ZFAT: variants seen among roughly 807,000 people sequenced by gnomAD.
ZFAT encodes the protein zinc finger protein ZFAT.
ZFAT carries 64 observed loss-of-function variants against 117.7 expected under a neutral mutation model. That is an observed-to-expected ratio of 0.54 (90% CI 0.44 to 0.67). The LOEUF (loss-of-function observed/expected upper bound fraction) is 0.67, where lower values mean the gene tolerates loss of function less well. Ranked by LOEUF, ZFAT falls within the 30% of genes least tolerant of loss-of-function variation. The probability of loss-of-function intolerance (pLI) is 0.00; values close to 1 mark genes in which losing one functional copy is unlikely to be tolerated. For missense variants in ZFAT, 1,433 were observed against 1,584.5 expected (o/e 0.90, Z 1.62); for synonymous variants, 679 against 615.0 (o/e 1.10, Z -1.54).
At chr8:134,564,220 A>G (rs947500847) in intron 11 of ZFAT, among the ~76,000 whole-genome samples, 2 of 148,402 alleles carry the variant, frequency 1.3e-5, no homozygotes, top group African/African-American at 5.0e-5. Context: ...AAAAAAGAGT[A>G]TCTAGATTGT....
At chr8:134,808,424 T>A in the ZFAT span, among the ~76,000 whole-genome samples, 8 of 152,206 alleles carry the variant, frequency 5.3e-5, no homozygotes, top group African/African-American at 1.7e-4. Context: ...AAATGAGGCT[T>A]AGGCAAAACA....
chr8:134,809,739 G>C, the ZFAT span, among the ~76,000 whole-genome samples: 1 of 152,190 alleles, frequency 6.6e-6, no homozygotes, highest in South Asian at 2.1e-4. Flanking sequence ...CAAACCTAGA[G>C]GGGAGGTGAA....
At chr8:134,490,448 G>GA (rs1022231209) in intron 15 of ZFAT, among the ~76,000 whole-genome samples, 5 of 152,150 alleles carry the variant, frequency 3.3e-5, no homozygotes, top group African/African-American at 9.6e-5. Flanking sequence ...ACCAGTTCTA[G>GA]AAAAAAATGG....
intron 1 of ZFAT, among the ~76,000 whole-genome samples, chr8:134,683,076 T>A (rs1233389036): frequency 6.6e-6 from 1 of 152,246 alleles, no homozygotes; most frequent in Non-Finnish European, 1.5e-5. Context: ...TTTGTTGGAA[T>A]AATACGCTTT....
chr8:134,728,587 A>G, the ZFAT span, among the ~76,000 whole-genome samples: 4 of 152,190 alleles, frequency 2.6e-5, no homozygotes, highest in Non-Finnish European at 5.9e-5. Context: ...GGGCTCCTGC[A>G]TCCATCCACA....
chr8:134,482,998 C>T (rs1214544154), intron 15 of ZFAT, among the ~76,000 whole-genome samples: 1 of 152,232 alleles, frequency 6.6e-6, no homozygotes, highest in Non-Finnish European at 1.5e-5. Flanking sequence ...TCACAAAAAG[C>T]TAACGTGTAG....
chr8:134,672,558 A>C (rs1832611952), intron 1 of ZFAT, among the ~76,000 whole-genome samples: 1 of 152,182 alleles, frequency 6.6e-6, no homozygotes, highest in African/African-American at 2.4e-5. Flanking sequence ...AAGTATAATA[A>C]TAAAAAAAAA....
intron 11 of ZFAT, among the ~76,000 whole-genome samples, chr8:134,546,362 G>A (rs1822693001): frequency 1.3e-5 from 2 of 152,200 alleles, no homozygotes; most frequent in African/African-American, 2.4e-5. Context: ...TTCTGCAGCT[G>A]AGGAAATGCG....
chr8:134,488,220 G>A (rs1041909911), intron 15 of ZFAT, among the ~76,000 whole-genome samples: 5 of 152,218 alleles, frequency 3.3e-5, no homozygotes, highest in African/African-American at 9.7e-5. Context: ...CTGGGCATTC[G>A]GCGGCCCTTT....
chr8:134,590,327 C>G lies in ZFAT; in HGVS notation c.2504G>C (p.Cys835Ser). Residue 835 changes from cysteine to serine, a missense_variant, in exon 8 of 16, where the codon TGT (cysteine) becomes TCT (serine). Cys to Ser is a moderately radical substitution (Grantham distance 112). Transcript: ENST00000377838. ...TCGATCCTCTGAAAAAGACTTTTCACAAACAGGACAAGAATAACTCCTTTT... is the reference window on the plus strand; with the variant it reads ...TCGATCCTCTGAAAAAGACTTTTCAGAAACAGGACAAGAATAACTCCTTTT... ...LDKRSYSCPV[C>S]EKSFSEDRLI... is the part of the protein sequence containing the mutation. 6.2e-7 allele frequency: 1 copy of G among 1,613,188 alleles called. No individual in the cohort carries two copies. The highest frequency in any genetic ancestry group is 1.1e-5 in the South Asian group (1 of 91,060).
At chr8:134,643,160 T>C (rs2131136329) in intron 2 of ZFAT, among the ~76,000 whole-genome samples, 1 of 152,344 alleles carries the variant, frequency 6.6e-6, no homozygotes, top group South Asian at 2.1e-4. Context: ...ATGATCCCCA[T>C]CATATAGTAG....
At chr8:134,732,181 A>G in the ZFAT span, among the ~76,000 whole-genome samples, 1 of 152,216 alleles carries the variant, frequency 6.6e-6, no homozygotes, top group Non-Finnish European at 1.5e-5. Context: ...TCTGCTGCTG[A>G]CAGCCAGGGC....
At chr8:134,693,198 G>T (rs892922538) in intron 1 of ZFAT, among the ~76,000 whole-genome samples, 1 of 152,138 alleles carries the variant, frequency 6.6e-6, no homozygotes, top group Non-Finnish European at 1.5e-5. Flanking sequence ...AAGAAACCAG[G>T]TCTCCTTGTA....
chr8:134,830,424 T>G, the ZFAT span, among the ~76,000 whole-genome samples: 7 of 152,218 alleles, frequency 4.6e-5, no homozygotes, highest in African/African-American at 1.7e-4. Flanking sequence ...CCCGGCTACA[T>G]GCCACAAGGA....
chr8:134,765,793 C>T, the ZFAT span: 1 of 152,128 alleles, frequency 6.6e-6, no homozygotes, highest in Non-Finnish European at 1.5e-5. Flanking sequence ...CATCTGCTTA[C>T]TGATTGAGCT....
the ZFAT span, among the ~76,000 whole-genome samples, chr8:134,811,914 C>A: frequency 6.6e-6 from 1 of 152,112 alleles, no homozygotes; most frequent in African/African-American, 2.4e-5. Context: ...GAGGCTGAGG[C>A]GGGTGGATCA....
At chr8:134,649,664 T>G (rs1417137737) in intron 2 of ZFAT, among the ~76,000 whole-genome samples, 1 of 152,188 alleles carries the variant, frequency 6.6e-6, no homozygotes, top group Non-Finnish European at 1.5e-5. Flanking sequence ...GAGTAAGACT[T>G]GAACATTGAA....
Position 134,552,162 on chromosome 8 carries a change from T to A in ZFAT, c.2976+13171A>T, listed in dbSNP as rs868685647. Among the ~76,000 whole-genome samples, 11 of 152,260 alleles carry A rather than the reference T, an allele frequency of 7.2e-5. 1 individual carries two copies. The Middle Eastern group carries it at 0.01, about 141-fold the overall frequency. ...GTCTATTTGGTTCTCCCCAGACTTG[T>A]AACCCTGGCAGACCAGAGGCCTGCC... On this transcript the variant is annotated intron_variant, in intron 11 of 15. Transcript: ENST00000377838.
At chr8:134,563,429 C>A (rs1412428187) in intron 11 of ZFAT, among the ~76,000 whole-genome samples, 1 of 152,198 alleles carries the variant, frequency 6.6e-6, no homozygotes, top group Non-Finnish European at 1.5e-5. Context: ...ACCAGCAGAT[C>A]CCTCCGAGCC....
Sources: allele counts gnomAD v4.1 joint callset (sites outside exome capture counted in the v4.1 genomes callset), GRCh38; gene constraint gnomAD v4.1.1; transcripts MANE v1.5; gene names NCBI Gene and HGNC (gene_info 2026-07-23, HGNC 2026-07-21).